Variants in RNF214 observed in about 807,000 individuals in gnomAD.
The protein encoded by RNF214 is ring finger protein 214.
RNF214 carries 25 observed loss-of-function variants against 75.9 expected under a neutral mutation model. That is an observed-to-expected ratio of 0.33 (90% CI 0.24 to 0.46). The LOEUF (loss-of-function observed/expected upper bound fraction) is 0.46. RNF214 is among the 20% of genes least tolerant of loss of function. RNF214 has a pLI of 1.00. For missense variants in RNF214, 725 were observed against 857.5 expected, an observed-to-expected ratio of 0.85 and a Z score of 1.93; for synonymous variants, 314 against 308.8, an observed-to-expected ratio of 1.02 and a Z score of -0.18.
chr11:117,273,540 T>C (rs1332429945), intron 6 of RNF214, among the ~76,000 whole-genome samples: 1 of 152,176 alleles, frequency 6.6e-6, no homozygotes, highest in African/African-American at 2.4e-5. Context: ...AAAATTAAAC[T>C]GACAAAATGT....
At chr11:117,261,887 C>T (rs1294230129) in intron 6 of RNF214, among the ~76,000 whole-genome samples, 2 of 151,838 alleles carry the variant, frequency 1.3e-5, no homozygotes, top group Non-Finnish European at 2.9e-5. Flanking sequence ...CTCAAGCCGT[C>T]TGCCTGGCTC....
intron 2 of RNF214, among the ~76,000 whole-genome samples, chr11:117,238,122 A>T (rs1201381917): frequency 3.9e-5 from 6 of 152,176 alleles, no homozygotes; most frequent in Non-Finnish European, 7.3e-5. Context: ...TTACTGTAGA[A>T]CCCAGGTTTT....
In RNF214 at chr11:117,257,134, C is replaced by T. The variant is rs191043320; in HGVS notation, c.959+10186C>T. Among the ~76,000 whole-genome samples, 7 of 152,202 alleles carry T rather than the reference C, an allele frequency of 4.6e-5. No individual in the cohort carries two copies. The South Asian group carries it at 6.2e-4, about 14-fold the overall frequency. On this transcript the variant is annotated intron_variant, in intron 6 of 14. Coordinates refer to ENST00000300650, the MANE Select transcript of RNF214 (RefSeq NM_207343.4). ...GGAGGATTACTTGAGCGCAGGAGTTCGAGACCAGCCTGGGCAACATGGCGA... is the reference window on the plus strand; with the variant it reads ...GGAGGATTACTTGAGCGCAGGAGTTTGAGACCAGCCTGGGCAACATGGCGA...
chr11:117,271,474 G>A (rs1048524606), intron 6 of RNF214, among the ~76,000 whole-genome samples: 3 of 152,188 alleles, frequency 2.0e-5, no homozygotes, highest in African/African-American at 7.2e-5. Context: ...TCATAGTCCT[G>A]TGCTGCCTAT....
chr11:117,256,468 A>G (rs986117222), intron 6 of RNF214, among the ~76,000 whole-genome samples: 5 of 152,158 alleles, frequency 3.3e-5, no homozygotes, highest in Admixed American at 6.6e-5. Context: ...AGGATATCCA[A>G]CATGGCTTCA....
rs2034141286 is a variant in RNF214, at chr11:117,282,158, C to T, written c.1600C>T (p.Pro534Ser). 11 of 1,613,868 alleles carry T rather than the reference C, an allele frequency of 6.8e-6. No homozygotes were observed. Among genetic ancestry groups the T allele is most frequent in the Non-Finnish European group, 8.5e-6 (10 of 1,179,908 alleles). Residue 534 changes from proline (P) to serine (S), a missense_variant, in exon 11 of 15, where the codon CCC (proline) becomes TCC (serine). Pro to Ser is a moderately conservative substitution (Grantham distance 74). Coordinates refer to ENST00000300650, the MANE Select transcript of RNF214 (RefSeq NM_207343.4). ...HMPPAASIPPPPGLGGVKASA... is the reference protein window; with the variant it reads ...HMPPAASIPPSPGLGGVKASA... ...GCCCCCTGCCGCCTCCATCCCACCT[C>T]CCCCAGGCTTGGGCGGTGTTAAGGC...
At chr11:117,258,010 T>C (rs1227030969) in intron 6 of RNF214, among the ~76,000 whole-genome samples, 1 of 152,202 alleles carries the variant, frequency 6.6e-6, no homozygotes, top group Admixed American at 6.5e-5. Context: ...ACAATTAATA[T>C]TCTACTACAG....
intron 6 of RNF214, among the ~76,000 whole-genome samples, chr11:117,247,280 A>G (rs1156894591): frequency 6.6e-6 from 1 of 152,136 alleles, no homozygotes; most frequent in Non-Finnish European, 1.5e-5. Flanking sequence ...GCTTGAGGCC[A>G]GGAGTTTGAG....
chr11:117,251,186 G>C, intron 6 of RNF214, among the ~76,000 whole-genome samples: 1 of 145,158 alleles, frequency 6.9e-6, no homozygotes. Context: ...TCCCAGTAGG[G>C]GCGGCCGGGC....
chr11:117,250,721 G>C (rs1341805938), intron 6 of RNF214, among the ~76,000 whole-genome samples: 3 of 143,288 alleles, frequency 2.1e-5, no homozygotes, highest in Non-Finnish European at 4.6e-5. Context: ...ATAAACAAGT[G>C]AACAAAGGTC....
chr11:117,278,733 G>C (rs1267977052), intron 6 of RNF214, among the ~76,000 whole-genome samples: 1 of 152,226 alleles, frequency 6.6e-6, no homozygotes, highest in Non-Finnish European at 1.5e-5. Flanking sequence ...AGGAAAACTT[G>C]AAAATTAATA....
At chr11:117,272,609 A>ATT (rs544986485) in intron 6 of RNF214, among the ~76,000 whole-genome samples, 3 of 147,212 alleles carry the variant, frequency 2.0e-5, no homozygotes, top group Admixed American at 6.8e-5. Context: ...TAAAATTAAA[A>ATT]TTTTTTTTTT....
chr11:117,272,249 CCT>C (rs1159523499), intron 6 of RNF214, among the ~76,000 whole-genome samples: 7 of 152,152 alleles, frequency 4.6e-5, no homozygotes, highest in African/African-American at 1.7e-4. Context: ...CCAACCACCA[CCT>C]TGAGCCACCT....
chr11:117,253,731 T>C (rs2033455270), intron 6 of RNF214, among the ~76,000 whole-genome samples: 1 of 152,160 alleles, frequency 6.6e-6, no homozygotes, highest in African/African-American at 2.4e-5. Flanking sequence ...CGGTGACTCA[T>C]TGAGAATGGC....
chr11:117,234,596 A>G (rs549847695), intron 2 of RNF214, among the ~76,000 whole-genome samples: 22 of 152,348 alleles, frequency 1.4e-4, no homozygotes, highest in African/African-American at 5.0e-4. Context: ...AATAGAATAC[A>G]TGGGGTCAAA....
At chr11:117,281,184 GGCTGGTCT>G in intron 8 of RNF214, 122 bp from the exon 9 acceptor site, 1 of 646,088 alleles carries the variant, frequency 1.5e-6, no homozygotes, top group South Asian at 1.6e-5. Context: ...ACATTGCCCA[GGCTGGTCT>G]AGAACTCCTG....
In RNF214 at chr11:117,281,925, G is replaced by A. The variant is rs1288041985; in HGVS notation, c.1367G>A (p.Ser456Asn). 1.9e-6 allele frequency: 3 copies of A among 1,613,970 alleles called. No individual in the cohort carries two copies. The highest frequency in any genetic ancestry group is 1.6e-4 in the Middle Eastern group (1 of 6,062). Residue 456 changes from serine to asparagine, a missense_variant, in exon 11 of 15, where the codon AGT becomes AAT. Transcript: ENST00000300650. The part of the protein sequence containing the change: ...TDFMLQVFQP[S>N]PSLAPRMPFS... ...TTCATGCTTCAGGTGTTTCAACCCA[G>A]TCCCTCTCTGGCTCCTCGGATGCCC...
chr11:117,242,862 A>G (rs993190977), intron 4 of RNF214, among the ~76,000 whole-genome samples: 39 of 152,190 alleles, frequency 2.6e-4, no homozygotes, highest in African/African-American at 9.4e-4. Flanking sequence ...TCAGAAAAGA[A>G]TAATCTACTG....
In RNF214 at chr11:117,268,129, T is replaced by C. The variant is rs1241602131; in HGVS notation, c.960-11779T>C. 1.1e-4 allele frequency among the ~76,000 whole-genome samples: 16 copies of C among 152,342 alleles called. No individual in the cohort carries two copies. The East Asian group carries it at 1.4e-3, about 13-fold the overall frequency. On this transcript the variant is annotated intron_variant, in intron 6 of 14. Coordinates refer to ENST00000300650, the MANE Select transcript of RNF214 (RefSeq NM_207343.4). Reference sequence around the variant, plus strand: ...ACTTGACAGCACCATTTGTCACACATAGTTTGTCCTAACTTTATTATGGTA... The same window carrying C: ...ACTTGACAGCACCATTTGTCACACACAGTTTGTCCTAACTTTATTATGGTA...
Sources: allele counts gnomAD v4.1 joint callset (sites outside exome capture counted in the v4.1 genomes callset), GRCh38; gene constraint gnomAD v4.1.1; transcripts MANE v1.5; gene names NCBI Gene and HGNC (gene_info 2026-07-23, HGNC 2026-07-21).